Variants in SCN1A observed in about 807,000 individuals in gnomAD.
SCN1A encodes sodium channel protein type 1 subunit alpha.
In SCN1A, 13 loss-of-function variants were observed where a neutral mutation model predicts 193.7. That is an observed-to-expected ratio of 0.07 (90% CI 0.04 to 0.11). The LOEUF (loss-of-function observed/expected upper bound fraction) is 0.11. Ranked by LOEUF, SCN1A falls within the 10% of genes least tolerant of loss-of-function variation. The pLI, the probability that SCN1A is intolerant of heterozygous loss-of-function variation, is 1.00. For missense variants in SCN1A, 1,432 were observed against 2,451.1 expected, an observed-to-expected ratio of 0.58 and a Z score of 8.78; for synonymous variants, 781 against 843.6, an observed-to-expected ratio of 0.93 and a Z score of 1.29.
At chr2:166,066,820 G>A (rs902749444) in intron 4 of SCN1A, among the ~76,000 whole-genome samples, 2 of 152,138 alleles carry the variant, frequency 1.3e-5, no homozygotes, top group Non-Finnish European at 2.9e-5. Flanking sequence ...ACAATGTAAA[G>A]TGGACCATGT....
intron 2 of SCN1A, among the ~76,000 whole-genome samples, chr2:166,097,567 G>A (rs918641995): frequency 1.3e-5 from 2 of 151,654 alleles, no homozygotes; most frequent in Non-Finnish European, 2.9e-5. Context: ...ATTATATTTG[G>A]TATGTTCAAA....
rs754017746 is a variant in SCN1A at position 166,043,682 on chromosome 2, G to A, written c.2030C>T (p.Ala677Val). 3 of 1,613,898 alleles carry A rather than the reference G, an allele frequency of 1.9e-6. No individual in the cohort carries two copies. Among genetic ancestry groups the A allele is most frequent in the Non-Finnish European group, 2.5e-6 (3 of 1,179,920 alleles). The change falls in exon 14 of 29, where the codon GCT becomes GTT. Residue 677 changes from alanine (A) to valine (V), a missense_variant. Physicochemically the swap from Ala to Val is moderately conservative, Grantham distance 64. Transcript: ENST00000674923. ...AAACTTCCTTACATTGTCATCAGTA[G>A]CTGGCTTATCTATTATCACCTCTGG... ...LLPEVIIDKP[A>V]TDDNGTTTET...
chr2:166,045,976 A>G (rs1443706764), intron 12 of SCN1A, among the ~76,000 whole-genome samples: 5 of 152,210 alleles, frequency 3.3e-5, no homozygotes, highest in Non-Finnish European at 7.4e-5. Flanking sequence ...GCACATGGGC[A>G]TGGAATAAAA....
rs377680171 is a variant in SCN1A at position 166,085,540 on chromosome 2, T to C, written c.-141-7739A>G. On this transcript the variant is annotated intron_variant, in intron 2 of 28. Transcript: ENST00000674923. The stretch of plus-strand genomic sequence containing the variant: ...ACAAAGCAAAACTGTCCAGGCATAG[T>C]TGCTGTATGGAGAGATACAGCATAG... Among the ~76,000 whole-genome samples the C allele has an allele frequency of 4.4e-4, 67 of 152,224 alleles. No individual in the cohort carries two copies. The East Asian group carries it at 0.012, about 28-fold the overall frequency.
intron 28 of SCN1A, chr2:165,993,398 A>G (rs1289066778): frequency 6.6e-6 from 1 of 152,100 alleles, no homozygotes; most frequent in East Asian, 1.9e-4. Context: ...CGTTTTGGAT[A>G]GTAAAATATT....
chr2:166,037,688 C>G, intron 18 of SCN1A, 88 bp downstream of exon 18: 2 of 1,145,238 alleles, frequency 1.7e-6, no homozygotes, highest in Non-Finnish European at 2.7e-6. Flanking sequence ...TTTTAGGGTA[C>G]ATGTGCACAA....
intron 4 of SCN1A, among the ~76,000 whole-genome samples, chr2:166,061,704 A>T (rs1683326276): frequency 6.6e-6 from 1 of 152,186 alleles, no homozygotes. Flanking sequence ...GTGTCAATTT[A>T]AAAAATAAGA....
At position 166,036,304 on chromosome 2, in the gene SCN1A, T is replaced by G; in HGVS notation, c.3173A>C (p.Lys1058Thr). ...IKPLDDLNNKKDSCMSNHTAE... is the reference protein window; with the variant it reads ...IKPLDDLNNKTDSCMSNHTAE... ...TGTATGATTGGACATACAACTGTCTTTCTTGTTGTTTAGATCATCAAGTGG... is the reference window on the plus strand; with the variant it reads ...TGTATGATTGGACATACAACTGTCTGTCTTGTTGTTTAGATCATCAAGTGG... The change falls in exon 19 of 29, where the codon AAA (lysine) becomes ACA (threonine). Residue 1058 changes from lysine to threonine, a missense_variant. Physicochemically the swap from Lys to Thr is moderately conservative, Grantham distance 78. Coordinates refer to ENST00000674923, the MANE Select transcript of SCN1A (RefSeq NM_001165963.4). 1 of 1,613,794 alleles carries G rather than the reference T, an allele frequency of 6.2e-7. No individual in the cohort carries two copies. The highest frequency in any genetic ancestry group is 8.5e-7 in the Non-Finnish European group (1 of 1,179,822).
intron 2 of SCN1A, among the ~76,000 whole-genome samples, chr2:166,099,493 T>C (rs1437473764): frequency 1.4e-5 from 2 of 146,484 alleles, no homozygotes; most frequent in African/African-American, 2.6e-5. Context: ...TTCAACATAG[T>C]GTTGGAAGTT....
intron 9 of SCN1A, among the ~76,000 whole-genome samples, chr2:166,050,896 T>C (rs1221397146): frequency 6.6e-6 from 1 of 151,680 alleles, no homozygotes; most frequent in African/African-American, 2.4e-5. Flanking sequence ...TTTATTTCCT[T>C]AAGGTAATAA....
chr2:166,043,669 A>G lies in SCN1A; in HGVS notation c.2043T>C (p.Asn681=), dbSNP rs754934003. The change falls in exon 14 of 29, where the codon AAT becomes AAC. Residue 681 remains asparagine (N), a splice_region_variant and synonymous_variant. Coordinates refer to ENST00000674923, the MANE Select transcript of SCN1A (RefSeq NM_001165963.4). ...VIIDKPATDD[N]GTTTETEMRK... is the part of the protein sequence containing the mutation. ...CCTGAACTATTTAAAACTTCCTTAC[A>G]TTGTCATCAGTAGCTGGCTTATCTA... 1.2e-6 allele frequency: 2 copies of G among 1,613,484 alleles called. No individual in the cohort carries two copies. The highest frequency in any genetic ancestry group is 1.7e-6 in the Non-Finnish European group (2 of 1,179,694).
chr2:166,015,911 C>T (rs1235486326), intron 19 of SCN1A, 184 bp from the exon 20 acceptor site: 3 of 628,408 alleles, frequency 4.8e-6, no homozygotes, highest in Non-Finnish European at 8.1e-6. Context: ...AACCCTTTTA[C>T]CATAATTCAC....
At position 166,041,220 on chromosome 2, in the gene SCN1A, A is replaced by G; in HGVS notation, c.2415+11T>C. The G allele has an allele frequency of 1.3e-6, 2 of 1,572,104 alleles. No individual in the cohort carries two copies. Among genetic ancestry groups the G allele is most frequent in the Non-Finnish European group, 1.8e-6 (2 of 1,142,092 alleles). On this transcript the variant is annotated intron_variant, in intron 16 of 28. Coordinates refer to ENST00000674923, the MANE Select transcript of SCN1A (RefSeq NM_001165963.4). ...TGAAGACTAAACACATTTACCTTCCAATATGCTTACCAAGTTTCCTACTGT... is the reference window on the plus strand; with the variant it reads ...TGAAGACTAAACACATTTACCTTCCGATATGCTTACCAAGTTTCCTACTGT...
At chr2:166,057,826 T>C (rs968399416) in intron 5 of SCN1A, among the ~76,000 whole-genome samples, 1 of 152,042 alleles carries the variant, frequency 6.6e-6, no homozygotes, top group Non-Finnish European at 1.5e-5. Context: ...CAATCAGAAG[T>C]GAATTGTTTT....
In SCN1A at chr2:166,066,213, G is replaced by C. The variant is rs376850561; in HGVS notation, c.264+7145C>G. Among the ~76,000 whole-genome samples the C allele has an allele frequency of 2.6e-4, 40 of 152,186 alleles. No individual in the cohort carries two copies. The East Asian group carries it at 5.8e-3, about 22-fold the overall frequency. On this transcript the variant is annotated intron_variant, in intron 4 of 28. Coordinates refer to ENST00000674923, the MANE Select transcript of SCN1A (RefSeq NM_001165963.4). ...AGAGAGAAGAAATTATAACAACAAG[G>C]AAAAAGAATAAAATCTGGAGCTGAA...
chr2:165,991,655 G>T lies in SCN1A; in HGVS notation c.5620C>A (p.Arg1874=). ...CLDILFAFTK[R]VLGESGEMDA... is the part of the protein sequence containing the mutation. Reference sequence around the variant, plus strand: ...ATCTCTCCACTCTCTCCTAGAACCCGCTTTGTAAAAGCAAATAAGATATCA... The same window carrying T: ...ATCTCTCCACTCTCTCCTAGAACCCTCTTTGTAAAAGCAAATAAGATATCA... The change falls in exon 29 of 29, where the codon CGG becomes AGG. Residue 1874 remains arginine, a synonymous_variant. Coordinates refer to ENST00000674923, the MANE Select transcript of SCN1A (RefSeq NM_001165963.4). 2.5e-6 allele frequency: 4 copies of T among 1,613,852 alleles called. No individual in the cohort carries two copies. Among genetic ancestry groups the T allele is most frequent in the Non-Finnish European group, 3.4e-6 (4 of 1,179,902 alleles).
At chr2:166,010,509 A>T (rs1335895048) in intron 22 of SCN1A, among the ~76,000 whole-genome samples, 3 of 151,286 alleles carry the variant, frequency 2.0e-5, no homozygotes, top group Admixed American at 6.6e-5. Flanking sequence ...TACCAAATAC[A>T]CACAGCAATA....
chr2:166,128,964 G>T (rs926908603), upstream of SCN1A, among the ~76,000 whole-genome samples: 2 of 151,964 alleles, frequency 1.3e-5, no homozygotes, highest in Non-Finnish European at 2.9e-5. Flanking sequence ...ATAAAATCAC[G>T]ATTATGTGTA....
chr2:166,031,319 C>T (rs978330288), intron 19 of SCN1A, among the ~76,000 whole-genome samples: 2 of 152,048 alleles, frequency 1.3e-5, no homozygotes, highest in Non-Finnish European at 2.9e-5. Flanking sequence ...ATTCTTGCTT[C>T]CTGGAAACCA....
Sources: allele counts gnomAD v4.1 joint callset (sites outside exome capture counted in the v4.1 genomes callset), GRCh38; gene constraint gnomAD v4.1.1; transcripts MANE v1.5; gene names NCBI Gene and HGNC (gene_info 2026-07-23, HGNC 2026-07-21).